The following LRMDA variants were observed in gnomAD, a reference collection of about 807,000 sequenced individuals.
The protein encoded by LRMDA is leucine rich melanocyte differentiation associated.
Under a neutral mutation model 29.8 loss-of-function variants are expected in LRMDA, and 18 were observed. That is an observed-to-expected ratio of 0.60 (90% confidence interval 0.42 to 0.90). LRMDA has a LOEUF of 0.90. Among genes scored for constraint, LRMDA ranks in the 40% least tolerant of loss-of-function variants. LRMDA has a pLI of 0.00. For missense variants in LRMDA, 273 were observed against 273.9 expected, an observed-to-expected ratio of 1.00 and a Z score of 0.02; for synonymous variants, 125 against 109.4, an observed-to-expected ratio of 1.14 and a Z score of -0.89.
chr10:76,158,541 A>G (rs1313995943), intron 5 of LRMDA, among the ~76,000 whole-genome samples: 3 of 152,218 alleles, frequency 2.0e-5, no homozygotes, highest in Non-Finnish European at 4.4e-5. Flanking sequence ...TTTTAAAGAG[A>G]ACGTACTACG....
chr10:76,331,138 G>A (rs1840899802), intron 6 of LRMDA, among the ~76,000 whole-genome samples: 1 of 152,184 alleles, frequency 6.6e-6, no homozygotes, highest in African/African-American at 2.4e-5. Flanking sequence ...GGGTGCAGTG[G>A]CAGGCACCTG....
At chr10:75,534,113 T>G (rs1839914295) in intron 2 of LRMDA, among the ~76,000 whole-genome samples, 1 of 152,154 alleles carries the variant, frequency 6.6e-6, no homozygotes, top group Admixed American at 6.5e-5. Context: ...ACATCAAAGG[T>G]CTCTGCACAT....
intron 2 of LRMDA, among the ~76,000 whole-genome samples, chr10:75,731,008 C>T (rs567983394): frequency 2.0e-5 from 3 of 152,216 alleles, no homozygotes; most frequent in Non-Finnish European, 2.9e-5. Flanking sequence ...AATCTGATAA[C>T]GTCAAAATGT....
intron 2 of LRMDA, among the ~76,000 whole-genome samples, chr10:75,625,223 T>C (rs1841236026): frequency 6.6e-6 from 1 of 152,192 alleles, no homozygotes; most frequent in Admixed American, 6.5e-5. Flanking sequence ...GGTTGCTGCA[T>C]ACAAGCACTG....
rs76531413 is a variant in LRMDA at position 75,479,084 on chromosome 10, T to C, written c.131+40590T>C. ...GGTTTCCTCCAGCTCCCAGGGCTCC[T>C]TCCTGCAACAGAAAATGTTCCTGCC... On this transcript the variant is annotated intron_variant, in intron 2 of 6. Transcript: ENST00000611255. Among the ~76,000 whole-genome samples, 101 of 152,336 alleles carry C rather than the reference T, an allele frequency of 6.6e-4. 2 individuals are homozygous for C. The highest frequency in any genetic ancestry group is 2.2e-3 in the African/African-American group (93 of 41,584).
intron 5 of LRMDA, among the ~76,000 whole-genome samples, chr10:76,092,230 G>T (rs954512662): frequency 6.6e-6 from 1 of 152,148 alleles, no homozygotes; most frequent in African/African-American, 2.4e-5. Flanking sequence ...GAGGACTTTC[G>T]CACCCTGCAG....
intron 2 of LRMDA, among the ~76,000 whole-genome samples, chr10:75,941,250 G>A (rs1336941583): frequency 6.6e-6 from 1 of 152,140 alleles, no homozygotes; most frequent in East Asian, 1.9e-4. Flanking sequence ...GCCAAGGAAA[G>A]GCGAGTAAGC....
chr10:75,490,842 G>A (rs914230270), intron 2 of LRMDA, among the ~76,000 whole-genome samples: 2 of 152,210 alleles, frequency 1.3e-5, no homozygotes, highest in Admixed American at 6.5e-5. Flanking sequence ...TGTGGCTAAT[G>A]TGTTGTTGAC....
At chr10:75,893,472 G>A (rs1845529229) in intron 2 of LRMDA, among the ~76,000 whole-genome samples, 1 of 152,176 alleles carries the variant, frequency 6.6e-6, no homozygotes, top group Non-Finnish European at 1.5e-5. Context: ...TGCATGAAAT[G>A]CCAAATAACA....
intron 2 of LRMDA, among the ~76,000 whole-genome samples, chr10:75,623,606 T>G (rs1841214672): frequency 6.6e-6 from 1 of 152,198 alleles, no homozygotes; most frequent in South Asian, 2.1e-4. Context: ...GTGTTTATTG[T>G]TGTGGTGTTT....
chr10:75,942,026 G>T (rs571054648), intron 2 of LRMDA, among the ~76,000 whole-genome samples: 1 of 152,236 alleles, frequency 6.6e-6, no homozygotes, highest in South Asian at 2.1e-4. Flanking sequence ...TAATCACAGC[G>T]TGTAGGGTTT....
intron 2 of LRMDA, among the ~76,000 whole-genome samples, chr10:75,606,233 G>C (rs1027514613): frequency 1.4e-4 from 20 of 142,130 alleles, no homozygotes; most frequent in Admixed American, 1.3e-4. Flanking sequence ...CCAAACTGAG[G>C]CCAGTCTTAA....
intron 2 of LRMDA, among the ~76,000 whole-genome samples, chr10:75,767,567 G>A (rs568459933): frequency 2.3e-4 from 33 of 143,864 alleles, no homozygotes; most frequent in African/African-American, 8.1e-4. Flanking sequence ...TAGTGCTGTC[G>A]GTGAAGACTG....
intron 2 of LRMDA, among the ~76,000 whole-genome samples, chr10:75,520,613 G>T (rs1476048970): frequency 6.6e-6 from 1 of 152,106 alleles, no homozygotes; most frequent in African/African-American, 2.4e-5. Flanking sequence ...GCTTCCTTGC[G>T]ATGGGTTCGA....
At chr10:75,984,157 G>A (rs1847222362) in intron 2 of LRMDA, among the ~76,000 whole-genome samples, 1 of 152,190 alleles carries the variant, frequency 6.6e-6, no homozygotes, top group Non-Finnish European at 1.5e-5. Flanking sequence ...ATTTACCTGG[G>A]TTCTTGCTGA....
At chr10:76,116,729 C>T (rs560009772) in intron 5 of LRMDA, among the ~76,000 whole-genome samples, 64 of 152,222 alleles carry the variant, frequency 4.2e-4, no homozygotes, top group African/African-American at 9.9e-4. Context: ...TCAAGGCAGC[C>T]GTTTTGATTG....
intron 5 of LRMDA, among the ~76,000 whole-genome samples, chr10:76,058,987 C>A (rs1848661794): frequency 1.3e-5 from 2 of 152,168 alleles, no homozygotes; most frequent in Non-Finnish European, 1.5e-5. Flanking sequence ...TAAAGCAGCA[C>A]TATGCATAGC....
intron 2 of LRMDA, among the ~76,000 whole-genome samples, chr10:75,857,362 G>A (rs1395481218): frequency 1.3e-5 from 2 of 152,200 alleles, no homozygotes; most frequent in Non-Finnish European, 2.9e-5. Context: ...CAAAAAGAGA[G>A]AGAAAAATCA....
chr10:75,621,602 T>C (rs186458402), intron 2 of LRMDA, among the ~76,000 whole-genome samples: 1 of 152,262 alleles, frequency 6.6e-6, no homozygotes, highest in Admixed American at 6.5e-5. Flanking sequence ...TACCAGAGAA[T>C]TGCCGTCTCC....
Sources: gnomAD v4.1 joint callset for allele counts (sites outside exome capture counted in the v4.1 genomes callset) on GRCh38, gnomAD v4.1.1 for gene constraint, MANE v1.5 for transcripts, NCBI Gene and HGNC (gene_info 2026-07-23, HGNC 2026-07-21) for gene names.